Variants in DNMT3B observed in about 807,000 individuals in gnomAD.
The protein encoded by DNMT3B is DNA methyltransferase 3 beta, also known as DNA (cytosine-5)-methyltransferase 3B.
DNMT3B carries 37 observed loss-of-function variants against 120.2 expected under a neutral mutation model. The observed-to-expected ratio is 0.31, with a 90% CI of 0.24 to 0.40. DNMT3B has a LOEUF of 0.40. Among genes scored for constraint, DNMT3B ranks in the 10% least tolerant of loss-of-function variants. The probability of loss-of-function intolerance (pLI) is 1.00; values close to 1 mark genes in which losing one functional copy is unlikely to be tolerated. For missense variants in DNMT3B, 878 were observed against 1,137.3 expected (o/e 0.77, Z 3.28); for synonymous variants, 412 against 442.8 (o/e 0.93, Z 0.87).
In DNMT3B at chr20:32,809,030, G is replaced by A. The variant is rs1434927264; in HGVS notation, c.*1127G>A. ...TATTCCATAAGAAGTCGTTTTTAGG[G>A]AGAACGGGAATTCAGACAAGCTGCA... On this transcript the variant is annotated 3_prime_UTR_variant, in exon 23 of 23. Coordinates refer to ENST00000328111, the MANE Select transcript of DNMT3B (RefSeq NM_006892.4). The A allele has an allele frequency of 4.6e-6, 1 of 216,974 alleles. No individual in the cohort carries two copies. The highest frequency in any genetic ancestry group is 2.3e-5 in the African/African-American group (1 of 44,442). 13.4% of individuals were successfully genotyped at this position (216,974 alleles called of 1,614,324 possible).
chr20:32,784,459 CAGCCAGACCT>C (rs1979012607), intron 3 of DNMT3B, among the ~76,000 whole-genome samples: 2 of 152,226 alleles, frequency 1.3e-5, no homozygotes, highest in South Asian at 4.1e-4. Flanking sequence ...CTTAACACTC[CAGCCAGACCT>C]AGCTGCTCGC....
intron 19 of DNMT3B, 87 bp from the exon 20 acceptor site, chr20:32,802,298 G>A: frequency 1.4e-6 from 2 of 1,404,778 alleles, no homozygotes; most frequent in Non-Finnish European, 2.0e-6. Flanking sequence ...TCCATAGTCA[G>A]GGAATAGCCC....
At chr20:32,770,610 CTT>C (rs1555833247) in intron 1 of DNMT3B, among the ~76,000 whole-genome samples, 3 of 144,768 alleles carry the variant, frequency 2.1e-5, no homozygotes. Flanking sequence ...CTCCGCCTTA[CTT>C]TTTTTTTTTT....
chr20:32,807,954 G>A lies in DNMT3B; in HGVS notation c.*51G>A, dbSNP rs1982151199. 1 of 1,613,512 alleles carries A rather than the reference G, an allele frequency of 6.2e-7. No homozygotes were observed. The highest frequency in any genetic ancestry group is 8.5e-7 in the Non-Finnish European group (1 of 1,179,750). On this transcript the variant is annotated 3_prime_UTR_variant, in exon 23 of 23. Transcript: ENST00000328111. ...GGGTGTGTGGCAGAGCCAGGACCCAGGAGGTGTGATTCCTGAAGGCATCCC... is the reference window on the plus strand; with the variant it reads ...GGGTGTGTGGCAGAGCCAGGACCCAAGAGGTGTGATTCCTGAAGGCATCCC...
At chr20:32,784,538 C>T (rs1228171306) in intron 3 of DNMT3B, among the ~76,000 whole-genome samples, 2 of 152,150 alleles carry the variant, frequency 1.3e-5, no homozygotes, top group Non-Finnish European at 2.9e-5. Flanking sequence ...GAGGCCTGCA[C>T]GAGGAAGCCC....
intron 1 of DNMT3B, among the ~76,000 whole-genome samples, chr20:32,773,242 G>A (rs1359994534): frequency 6.6e-6 from 1 of 152,074 alleles, no homozygotes; most frequent in Non-Finnish European, 1.5e-5. Flanking sequence ...GAGTAGCTGG[G>A]ACTATAGGTG....
At position 32,809,201 on chromosome 20, in the gene DNMT3B, G is replaced by A. The variant is rs1420863217; in HGVS notation, c.*1298G>A. On this transcript the variant is annotated 3_prime_UTR_variant, in exon 23 of 23. Coordinates refer to ENST00000328111, the MANE Select transcript of DNMT3B (RefSeq NM_006892.4). ...TCAAACTTCTATTTTTATGTTTAACGTTTTCATTAAAATTTTTTTTGTAAC... is the reference window on the plus strand; with the variant it reads ...TCAAACTTCTATTTTTATGTTTAACATTTTCATTAAAATTTTTTTTGTAAC... The A allele has an allele frequency of 2.3e-5, 4 of 171,612 alleles. No individual in the cohort carries two copies. Among genetic ancestry groups the A allele is most frequent in the African/African-American group, 1.5e-4 (3 of 19,862 alleles). The allele number at this position is 171,612 out of a possible 1,614,324, so 10.6% of individuals were successfully genotyped here.
At chr20:32,781,289 C>G (rs1277034765) in intron 2 of DNMT3B, 64 bp from the exon 3 acceptor site, 13 of 1,583,492 alleles carry the variant, frequency 8.2e-6, no homozygotes, top group African/African-American at 1.4e-5. Flanking sequence ...CCCCTATTAG[C>G]AAGGCCGTTC....
chr20:32,793,459 C>T (rs983107833), intron 9 of DNMT3B, 77 bp from the exon 10 acceptor site: 11 of 1,519,796 alleles, frequency 7.2e-6, no homozygotes, highest in Admixed American at 5.1e-5. Context: ...CAGAGCAAGA[C>T]CTTGTCTCAA....
At chr20:32,772,515 G>A (rs1297902153) in intron 1 of DNMT3B, among the ~76,000 whole-genome samples, 2 of 152,144 alleles carry the variant, frequency 1.3e-5, no homozygotes, top group Non-Finnish European at 2.9e-5. Context: ...CAAGGGGTAG[G>A]TGGCCACAGG....
At chr20:32,775,934 G>A (rs1988046870) in intron 1 of DNMT3B, among the ~76,000 whole-genome samples, 1 of 152,224 alleles carries the variant, frequency 6.6e-6, no homozygotes, top group Non-Finnish European at 1.5e-5. Context: ...AGGATGGGGT[G>A]GGGGTTAAAG....
intron 1 of DNMT3B, among the ~76,000 whole-genome samples, chr20:32,765,336 A>G (rs1048981485): frequency 6.7e-5 from 10 of 149,570 alleles, no homozygotes; most frequent in African/African-American, 2.5e-4. Flanking sequence ...TCTCACTGGG[A>G]CCCTTTTACA....
chr20:32,790,486 T>C (rs6058888), intron 7 of DNMT3B, among the ~76,000 whole-genome samples: 5,878 of 152,028 alleles, frequency 0.039, 380 homozygotes, highest in African/African-American at 0.13. Flanking sequence ...TTGGGTTGTA[T>C]TGGAGCTATT....
At chr20:32,800,065 G>C (rs571138941) in intron 16 of DNMT3B, 88 bp from the exon 17 acceptor site, 1 of 1,576,942 alleles carries the variant, frequency 6.3e-7, no homozygotes, top group African/African-American at 1.4e-5. Context: ...ATGAGGAACT[G>C]TTCATTTTAC....
chr20:32,775,725 C>T (rs1471562950), intron 1 of DNMT3B, among the ~76,000 whole-genome samples: 2 of 152,260 alleles, frequency 1.3e-5, no homozygotes, highest in East Asian at 1.9e-4. Flanking sequence ...GTCCCAGCCA[C>T]GAAGCTCCCT....
At position 32,787,241 on chromosome 20, in the gene DNMT3B, G is replaced by A. The variant is rs1291814051; in HGVS notation, c.444G>A (p.Arg148=). 1 of 1,614,240 alleles carries A rather than the reference G, an allele frequency of 6.2e-7. No homozygotes were observed. Among genetic ancestry groups the A allele is most frequent in the Non-Finnish European group, 8.5e-7 (1 of 1,180,042 alleles). The change falls in exon 6 of 23, where the codon CGG becomes CGA. Residue 148 remains arginine (R), a synonymous_variant. Transcript: ENST00000328111. ...CCTTCTGTCCACAGTCCCTGAGACG[G>A]CGGGCAACAGCATCGGCAGGAACGC... ...VEFPATRSLR[R]RATASAGTPW...
intron 7 of DNMT3B, among the ~76,000 whole-genome samples, chr20:32,790,011 T>G (rs1979784442): frequency 6.6e-6 from 1 of 152,190 alleles, no homozygotes; most frequent in Non-Finnish European, 1.5e-5. Context: ...TTGGGCAAGT[T>G]GCAGCAGAAG....
intron 20 of DNMT3B, among the ~76,000 whole-genome samples, chr20:32,804,692 T>G (rs1311878118): frequency 5.3e-5 from 8 of 151,062 alleles, no homozygotes; most frequent in Admixed American, 4.6e-4. Context: ...GTCTTTTTTT[T>G]TTTTTTTTTT....
intron 1 of DNMT3B, among the ~76,000 whole-genome samples, chr20:32,766,929 C>T (rs575680838): frequency 3.4e-5 from 5 of 149,010 alleles, no homozygotes; most frequent in Non-Finnish European, 5.9e-5. Context: ...TCGCTCTTGT[C>T]GCCCAGGTTG....
Sources: gnomAD v4.1 joint callset for allele counts (sites outside exome capture counted in the v4.1 genomes callset) on GRCh38, gnomAD v4.1.1 for gene constraint, MANE v1.5 for transcripts, NCBI Gene and HGNC (gene_info 2026-07-23, HGNC 2026-07-21) for gene names.